The following EEFSEC variants were observed in gnomAD, a reference collection of about 807,000 sequenced individuals.
EEFSEC encodes the protein selenocysteine-specific elongation factor.
A neutral mutation model predicts 42.1 loss-of-function variants in EEFSEC; 43 were observed. The observed-to-expected ratio is 1.02, with a 90% CI of 0.80 to 1.32. The LOEUF (loss-of-function observed/expected upper bound fraction) is 1.32. Among genes scored for constraint, EEFSEC ranks in the 40% most tolerant of loss-of-function variants. The pLI is 0.00. For missense variants in EEFSEC, 745 were observed against 803.6 expected (o/e 0.93, Z 0.88); for synonymous variants, 354 against 339.1 (o/e 1.04, Z -0.48).
intron 1 of EEFSEC, among the ~76,000 whole-genome samples, chr3:128,169,992 T>C (rs2065279134): frequency 6.6e-6 from 1 of 152,110 alleles, no homozygotes; most frequent in African/African-American, 2.4e-5. Flanking sequence ...TTCTTTTTCC[T>C]CCAGAAACAA....
intron 4 of EEFSEC, among the ~76,000 whole-genome samples, chr3:128,270,448 A>G (rs1377487180): frequency 6.6e-6 from 1 of 152,204 alleles, no homozygotes; most frequent in Non-Finnish European, 1.5e-5. Flanking sequence ...TATTTAGTTG[A>G]TAAAGCTTTT....
chr3:128,156,140 T>G (rs1182881703), intron 1 of EEFSEC, among the ~76,000 whole-genome samples: 1 of 152,236 alleles, frequency 6.6e-6, no homozygotes, highest in Non-Finnish European at 1.5e-5. Context: ...CAGACAAAAC[T>G]GGGCTTGAAG....
At chr3:128,345,776 G>A (rs2067305393) in intron 5 of EEFSEC, among the ~76,000 whole-genome samples, 1 of 152,228 alleles carries the variant, frequency 6.6e-6, no homozygotes, top group East Asian at 1.9e-4. Context: ...TATGTGTTAA[G>A]TGAGCACTTT....
At chr3:128,236,146 T>C (rs1323044577) in intron 1 of EEFSEC, among the ~76,000 whole-genome samples, 1 of 152,196 alleles carries the variant, frequency 6.6e-6, no homozygotes, top group Non-Finnish European at 1.5e-5. Context: ...CGGCTAATTT[T>C]GTATTTTTAG....
intron 1 of EEFSEC, among the ~76,000 whole-genome samples, chr3:128,179,943 C>G (rs1468128083): frequency 6.6e-6 from 1 of 152,010 alleles, no homozygotes; most frequent in Non-Finnish European, 1.5e-5. Flanking sequence ...ATAAAAACTC[C>G]ATTGTTTGAG....
Position 128,332,330 on chromosome 3 carries a change from C to T in EEFSEC, c.787-8903C>T, listed in dbSNP as rs546193255. Among the ~76,000 whole-genome samples the T allele has an allele frequency of 2.0e-4, 31 of 152,286 alleles. 2 individuals are homozygous for T. Among genetic ancestry groups the T allele is most frequent in the South Asian group, 2.1e-4 (1 of 4,828 alleles). ...CTATACAAGTTGAATGTCCCTTATCCGAAATGCTTGGGACCAGAAGTGTTT... is the reference window on the plus strand; with the variant it reads ...CTATACAAGTTGAATGTCCCTTATCTGAAATGCTTGGGACCAGAAGTGTTT... On this transcript the variant is annotated intron_variant, in intron 4 of 6. Coordinates refer to ENST00000254730, the MANE Select transcript of EEFSEC (RefSeq NM_021937.5).
At chr3:128,338,752 G>T (rs1041254438) in intron 4 of EEFSEC, among the ~76,000 whole-genome samples, 2 of 152,198 alleles carry the variant, frequency 1.3e-5, no homozygotes, top group African/African-American at 4.8e-5. Context: ...TAAGGAGTGG[G>T]GGCTCAGCCC....
downstream of EEFSEC, among the ~76,000 whole-genome samples, chr3:128,410,270 G>A (rs2068165047): frequency 6.6e-6 from 1 of 152,176 alleles, no homozygotes; most frequent in Non-Finnish European, 1.5e-5. Flanking sequence ...CTCCCTGACC[G>A]CTCCCTCCCC....
chr3:128,160,382 C>A (rs556183950), intron 1 of EEFSEC, among the ~76,000 whole-genome samples: 3 of 152,158 alleles, frequency 2.0e-5, no homozygotes, highest in African/African-American at 7.2e-5. Flanking sequence ...TGGAAATCGG[C>A]GTGGTGTGTG....
intron 4 of EEFSEC, among the ~76,000 whole-genome samples, chr3:128,338,071 C>T (rs757129651): frequency 4.6e-5 from 7 of 152,212 alleles, no homozygotes; most frequent in Non-Finnish European, 7.3e-5. Flanking sequence ...CAGATGGCAT[C>T]GGCAGCAAAT....
intron 1 of EEFSEC, among the ~76,000 whole-genome samples, chr3:128,204,534 G>C (rs1454151081): frequency 6.6e-6 from 1 of 152,088 alleles, no homozygotes; most frequent in African/African-American, 2.4e-5. Context: ...GAGTTTTGCT[G>C]TTTGTCACAG....
At chr3:128,192,715 T>G (rs761613729) in intron 1 of EEFSEC, among the ~76,000 whole-genome samples, 13 of 152,220 alleles carry the variant, frequency 8.5e-5, no homozygotes, top group Non-Finnish European at 1.9e-4. Context: ...CCTGTGATAC[T>G]GGAAGGAGGA....
intron 6 of EEFSEC, among the ~76,000 whole-genome samples, chr3:128,382,567 G>A (rs2067789976): frequency 6.6e-6 from 1 of 152,188 alleles, no homozygotes; most frequent in African/African-American, 2.4e-5. Context: ...AACTTTTATT[G>A]GACTTGCCAC....
In EEFSEC at chr3:128,324,346, A is replaced by G. The variant is rs187334759; in HGVS notation, c.787-16887A>G. 4.2e-3 allele frequency among the ~76,000 whole-genome samples: 636 copies of G among 152,238 alleles called. 4 individuals carry two copies. The highest frequency in any genetic ancestry group is 7.1e-3 in the Non-Finnish European group (484 of 68,006). On this transcript the variant is annotated intron_variant, in intron 4 of 6. Coordinates refer to ENST00000254730, the MANE Select transcript of EEFSEC (RefSeq NM_021937.5). ...GTGCTTCTAGCAGTCAGCTTCAGGG[A>G]TTTATTCTCCTCTGCCATGGAGTGG...
intron 6 of EEFSEC, among the ~76,000 whole-genome samples, chr3:128,400,147 C>T (rs1267162202): frequency 6.6e-6 from 1 of 152,256 alleles, no homozygotes; most frequent in Non-Finnish European, 1.5e-5. Flanking sequence ...CCTCCAGCCA[C>T]GCCCTGACTT....
chr3:128,188,299 G>T (rs1161953146), intron 1 of EEFSEC, among the ~76,000 whole-genome samples: 1 of 152,230 alleles, frequency 6.6e-6, no homozygotes, highest in African/African-American at 2.4e-5. Context: ...GAATGGGTAT[G>T]AGGTATGGGT....
intron 5 of EEFSEC, among the ~76,000 whole-genome samples, chr3:128,356,909 C>A (rs1415294785): frequency 6.6e-6 from 1 of 152,264 alleles, no homozygotes; most frequent in African/African-American, 2.4e-5. Flanking sequence ...ACTTCTTGAA[C>A]TCAGGCTGGA....
chr3:128,241,596 T>C (rs974359472), intron 1 of EEFSEC, among the ~76,000 whole-genome samples: 4 of 152,070 alleles, frequency 2.6e-5, no homozygotes, highest in Non-Finnish European at 5.9e-5. Context: ...CTGCCCACTT[T>C]AGCCTCCCAA....
At chr3:128,356,234 G>A (rs1434018206) in intron 5 of EEFSEC, among the ~76,000 whole-genome samples, 4 of 152,252 alleles carry the variant, frequency 2.6e-5, no homozygotes, top group African/African-American at 4.8e-5. Flanking sequence ...CTTTGGTCCT[G>A]GTGGGGCCTC....
Sources: allele counts gnomAD v4.1 joint callset (sites outside exome capture counted in the v4.1 genomes callset), GRCh38; gene constraint gnomAD v4.1.1; transcripts MANE v1.5; gene names NCBI Gene and HGNC (gene_info 2026-07-23, HGNC 2026-07-21).